Variants in COL27A1 observed in about 807,000 individuals in gnomAD.
The protein encoded by COL27A1 is collagen type XXVII alpha 1 chain.
Under a neutral mutation model 251.3 loss-of-function variants are expected in COL27A1, and 106 were observed. The observed-to-expected ratio is 0.42, with a 90% CI of 0.36 to 0.50. The LOEUF is 0.50. Among genes scored for constraint, COL27A1 ranks in the 20% least tolerant of loss-of-function variants. COL27A1 has a pLI of 0.00. For synonymous variants in COL27A1, 1,000 were observed against 986.3 expected (o/e 1.01, Z -0.26); for missense variants, 2,325 against 2,522.8 (o/e 0.92, Z 1.68).
At chr9:114,230,143 TC>T (rs1831837196) in intron 14 of COL27A1, among the ~76,000 whole-genome samples, 6 of 151,964 alleles carry the variant, frequency 3.9e-5, no homozygotes, top group Admixed American at 1.3e-4. Flanking sequence ...AATGAGTGAG[TC>T]CCAGAGGAGA....
In COL27A1 at chr9:114,310,829, T is replaced by C; in HGVS notation, c.*134T>C. The C allele has an allele frequency of 1.2e-6, 1 of 837,616 alleles. No homozygotes were observed. Among genetic ancestry groups the C allele is most frequent in the Non-Finnish European group, 1.8e-6 (1 of 543,378 alleles). 51.9% of individuals were successfully genotyped at this position (837,616 alleles called of 1,614,324 possible). The stretch of plus-strand genomic sequence containing the variant: ...GGGTCCTTGGGCAGACCCCAGCTGT[T>C]GTCTGCCCAGTAGAAGTGGGTGGGG... On this transcript the variant is annotated 3_prime_UTR_variant, in exon 61 of 61. Transcript: ENST00000356083.
intron 27 of COL27A1, among the ~76,000 whole-genome samples, chr9:114,253,703 CAG>C (rs1243386449): frequency 3.9e-5 from 6 of 152,114 alleles, no homozygotes; most frequent in Non-Finnish European, 7.4e-5. Flanking sequence ...ATTTGAAAAA[CAG>C]AAAAAAGAAT....
intron 10 of COL27A1, among the ~76,000 whole-genome samples, chr9:114,207,258 C>T (rs1382312702): frequency 6.6e-6 from 1 of 152,190 alleles, no homozygotes; most frequent in Non-Finnish European, 1.5e-5. Context: ...AGCCCTAATC[C>T]CTGCAGCTGA....
chr9:114,235,575 C>T (rs1832326243), intron 16 of COL27A1, 24 bp from the exon 17 acceptor site: 1 of 1,608,662 alleles, frequency 6.2e-7, no homozygotes, highest in Non-Finnish European at 8.5e-7. Context: ...TCCATTGTAA[C>T]CTTCTTTGCT....
chr9:114,266,743 C>T, intron 33 of COL27A1, 125 bp downstream of exon 33: 2 of 837,722 alleles, frequency 2.4e-6, no homozygotes, highest in South Asian at 1.6e-5. Flanking sequence ...TGGTCATGTA[C>T]CGTGTAGTTC....
At position 114,290,166 on chromosome 9, in the gene COL27A1, C is replaced by T. The variant is rs551795262; in HGVS notation, c.4260+55C>T. The stretch of plus-strand genomic sequence containing the variant: ...AACCTCCCTGCCCGCCCCCCACACC[C>T]GCCCTCCTCCCACTCCCTGCACCAA... On this transcript the variant is annotated intron_variant, in intron 46 of 60. Coordinates refer to ENST00000356083, the MANE Select transcript of COL27A1 (RefSeq NM_032888.4). This position sits in a 1 kb window ranked among gnomAD's most constrained non-coding sequence, Gnocchi z 4.6. 5.9e-5 allele frequency: 93 copies of T among 1,589,456 alleles called. No homozygotes were observed. Among genetic ancestry groups the T allele is most frequent in the Admixed American group, 1.7e-4 (10 of 58,418 alleles).
In COL27A1 at chr9:114,196,200, C is replaced by T. The variant is rs116165627; in HGVS notation, c.2124+188C>T. The stretch of plus-strand genomic sequence containing the variant: ...TGCCTGTTGAGGGCAGGGAATACCT[C>T]GGCTCGTAGTAGGTGCCTCCCACCA... On this transcript the variant is annotated intron_variant, in intron 7 of 60. Coordinates refer to ENST00000356083, the MANE Select transcript of COL27A1 (RefSeq NM_032888.4). Among the ~76,000 whole-genome samples, 840 of 152,336 alleles carry T rather than the reference C, an allele frequency of 5.5e-3. 6 individuals carry two copies. Among genetic ancestry groups the T allele is most frequent in the African/African-American group, 0.019 (789 of 41,578 alleles).
chr9:114,189,467 T>C (rs1828604294), intron 5 of COL27A1, among the ~76,000 whole-genome samples: 1 of 152,242 alleles, frequency 6.6e-6, no homozygotes, highest in Admixed American at 6.5e-5. Context: ...TTAAAACATT[T>C]CTGGCTATTT....
At chr9:114,223,744 AC>A (rs1831275682) in intron 14 of COL27A1, among the ~76,000 whole-genome samples, 1 of 152,066 alleles carries the variant, frequency 6.6e-6, no homozygotes, top group African/African-American at 2.4e-5. Flanking sequence ...ATTTTTAACC[AC>A]CCTATGCCTC....
intron 12 of COL27A1, among the ~76,000 whole-genome samples, chr9:114,211,844 T>A (rs1310158651): frequency 1.3e-5 from 2 of 152,138 alleles, no homozygotes; most frequent in Non-Finnish European, 2.9e-5. Flanking sequence ...ACTGAGGCTC[T>A]GAGAGGCAGA....
At chr9:114,225,339 A>G (rs1564491067) in intron 14 of COL27A1, among the ~76,000 whole-genome samples, 1 of 152,222 alleles carries the variant, frequency 6.6e-6, no homozygotes, top group Non-Finnish European at 1.5e-5. Context: ...CCCTTTTCCC[A>G]GAGCTGATTT....
chr9:114,190,263 A>C (rs971610481), intron 5 of COL27A1, among the ~76,000 whole-genome samples: 4 of 152,172 alleles, frequency 2.6e-5, no homozygotes, highest in African/African-American at 9.7e-5. Context: ...AGAATTTCTC[A>C]ATATTTATTC....
intron 49 of COL27A1, among the ~76,000 whole-genome samples, chr9:114,293,321 G>C (rs1391521512): frequency 6.6e-6 from 1 of 152,176 alleles, no homozygotes; most frequent in Admixed American, 6.5e-5. Context: ...CAAAAGAGAT[G>C]TTAGTATTTT....
chr9:114,181,959 T>C (rs1253334236), intron 4 of COL27A1, among the ~76,000 whole-genome samples: 1 of 152,134 alleles, frequency 6.6e-6, no homozygotes, highest in East Asian at 1.9e-4. Context: ...TCTGATCACG[T>C]GTTGTAGCCA....
chr9:114,209,842 C>T, intron 11 of COL27A1, 114 bp downstream of exon 11: 2 of 986,562 alleles, frequency 2.0e-6, no homozygotes, highest in East Asian at 4.8e-5. Context: ...AGGAGGTGCA[C>T]TTGAGTCGAG....
chr9:114,280,304 G>T (rs1835824606), intron 37 of COL27A1, among the ~76,000 whole-genome samples: 1 of 151,832 alleles, frequency 6.6e-6, no homozygotes, highest in Non-Finnish European at 1.5e-5. Flanking sequence ...CCAGGTTCAA[G>T]AAATTCTCAT....
At chr9:114,200,985 C>T (rs146193303) in intron 7 of COL27A1, among the ~76,000 whole-genome samples, 299 of 152,242 alleles carry the variant, frequency 2.0e-3, no homozygotes, top group South Asian at 5.0e-3. Context: ...CAGGCAAGGA[C>T]GGGACCCCTC....
At chr9:114,170,542 T>C (rs928929207) in intron 3 of COL27A1, among the ~76,000 whole-genome samples, 1 of 152,224 alleles carries the variant, frequency 6.6e-6, no homozygotes, top group Non-Finnish European at 1.5e-5. Flanking sequence ...CAGTGGCAGA[T>C]GCTGGGAATT....
intron 3 of COL27A1, among the ~76,000 whole-genome samples, chr9:114,175,387 C>A (rs10759684): frequency 6.6e-6 from 1 of 152,086 alleles, no homozygotes; most frequent in African/African-American, 2.4e-5. Flanking sequence ...TTTTCCACTG[C>A]GGAGAGAACA....
Sources: gnomAD v4.1 joint callset for allele counts (sites outside exome capture counted in the v4.1 genomes callset) on GRCh38, gnomAD v4.1.1 for gene constraint, Gnocchi (gnomAD v3.1) non-coding constraint, MANE v1.5 for transcripts, NCBI Gene and HGNC (gene_info 2026-07-23, HGNC 2026-07-21) for gene names.